The following SEMA3A variants were observed in gnomAD, a reference collection of about 807,000 sequenced individuals.
SEMA3A encodes the protein semaphorin 3A, also known as semaphorin-3A.
A neutral mutation model predicts 97.9 loss-of-function variants in SEMA3A; 29 were observed. That is an observed-to-expected ratio of 0.30 (90% CI 0.22 to 0.40). SEMA3A has a LOEUF of 0.40. SEMA3A is among the 10% of genes least tolerant of loss of function. The pLI, the probability that SEMA3A is intolerant of heterozygous loss-of-function variation, is 1.00. For missense variants in SEMA3A, 763 were observed against 951.3 expected (o/e 0.80, Z 2.60); for synonymous variants, 321 against 323.7 (o/e 0.99, Z 0.09).
At chr7:84,066,596 C>G (rs1304774265) in intron 4 of SEMA3A, among the ~76,000 whole-genome samples, 1 of 149,376 alleles carries the variant, frequency 6.7e-6, no homozygotes, top group African/African-American at 2.5e-5. Flanking sequence ...AATCAATGTA[C>G]AAAAATCACA....
intron 12 of SEMA3A, among the ~76,000 whole-genome samples, chr7:83,986,690 G>A (rs1789645833): frequency 6.6e-6 from 1 of 152,130 alleles, no homozygotes; most frequent in African/African-American, 2.4e-5. Flanking sequence ...ACCTCACTGT[G>A]TAGGTGACCG....
intron 4 of SEMA3A, among the ~76,000 whole-genome samples, chr7:84,086,265 T>A (rs1249435893): frequency 6.6e-6 from 1 of 151,788 alleles, no homozygotes; most frequent in East Asian, 1.9e-4. Flanking sequence ...CTGGGTCCTG[T>A]GCTCGTTCCT....
At chr7:84,245,283 C>A (rs565471932) in intron 3 of SEMA3A, among the ~76,000 whole-genome samples, 2 of 151,712 alleles carry the variant, frequency 1.3e-5, no homozygotes, top group African/African-American at 4.8e-5. Flanking sequence ...AGGCTTTGTT[C>A]GTTCCTTTTC....
At chr7:84,164,129 G>C (rs1584065203) in intron 1 of SEMA3A, among the ~76,000 whole-genome samples, 1 of 151,988 alleles carries the variant, frequency 6.6e-6, no homozygotes, top group Admixed American at 6.6e-5. Context: ...ACAGACGTGG[G>C]CCACCACACC....
chr7:84,165,606 G>A (rs1246639993), intron 1 of SEMA3A, among the ~76,000 whole-genome samples: 1 of 152,070 alleles, frequency 6.6e-6, no homozygotes, highest in East Asian at 1.9e-4. Context: ...AGGCTGCAGT[G>A]CAGTGTCGCG....
chr7:84,145,883 T>C (rs1333774052), intron 1 of SEMA3A, among the ~76,000 whole-genome samples: 6 of 152,178 alleles, frequency 3.9e-5, no homozygotes, highest in African/African-American at 1.4e-4. Flanking sequence ...CACCTTTACC[T>C]TAGTACTGTC....
At chr7:84,248,687 A>G (rs1799530636) in intron 3 of SEMA3A, among the ~76,000 whole-genome samples, 2 of 152,096 alleles carry the variant, frequency 1.3e-5, no homozygotes, top group Non-Finnish European at 2.9e-5. Flanking sequence ...GGTTTTCTCT[A>G]AGCATATCTC....
Position 84,079,963 on chromosome 7 carries a change from A to C in SEMA3A, c.454-19405T>G, listed in dbSNP as rs1271730672. ...GACTTGGAACCAACCCAAATGTCCA[A>C]CAATGATAGACTGGATTAAGAAAAT... On this transcript the variant is annotated intron_variant, in intron 4 of 16. Coordinates refer to ENST00000265362, the MANE Select transcript of SEMA3A (RefSeq NM_006080.3). 5.5e-5 allele frequency among the ~76,000 whole-genome samples: 8 copies of C among 146,334 alleles called. No homozygotes were observed. In the South Asian group the frequency reaches 1.8e-3, roughly 33 times the overall value.
intron 1 of SEMA3A, among the ~76,000 whole-genome samples, chr7:84,148,181 C>T (rs968051226): frequency 4.6e-5 from 7 of 152,136 alleles, no homozygotes; most frequent in African/African-American, 1.7e-4. Context: ...TCCCAAAGTG[C>T]TGGGATTACA....
At chr7:84,333,391 A>T (rs1454924241) in intron 2 of SEMA3A, among the ~76,000 whole-genome samples, 1 of 151,976 alleles carries the variant, frequency 6.6e-6, no homozygotes, top group Non-Finnish European at 1.5e-5. Context: ...TACAACACTG[A>T]CTCTAGAGTC....
Position 84,007,415 on chromosome 7 carries a change from C to A in SEMA3A, c.1078G>T (p.Asp360Tyr), listed in dbSNP as rs745422716. ...RVFLGPYAHR[D>Y]GPNYQWVPYQ... ...GGCACCCATTGATAGTTGGGTCCATCCCTGTGGGCATATGGACCAAGGAAC... is the reference window on the plus strand; with the variant it reads ...GGCACCCATTGATAGTTGGGTCCATACCTGTGGGCATATGGACCAAGGAAC... Residue 360 changes from aspartate to tyrosine, a missense_variant, in exon 10 of 17, where the codon GAT becomes TAT. Transcript: ENST00000265362. 3 of 1,609,344 alleles carry A rather than the reference C, an allele frequency of 1.9e-6. No individual in the cohort carries two copies. The highest frequency in any genetic ancestry group is 1.7e-5 in the Admixed American group (1 of 59,340).
At chr7:84,262,300 C>T (rs1409382706) in intron 3 of SEMA3A, among the ~76,000 whole-genome samples, 1 of 152,068 alleles carries the variant, frequency 6.6e-6, no homozygotes, top group Non-Finnish European at 1.5e-5. Context: ...TTGTAACCTC[C>T]ACCTCCCAGG....
intron 1 of SEMA3A, among the ~76,000 whole-genome samples, chr7:84,396,913 A>G (rs1358467700): frequency 3.3e-5 from 5 of 152,030 alleles, no homozygotes; most frequent in Non-Finnish European, 7.4e-5. Flanking sequence ...TAGATAATAA[A>G]CAATTGGCAT....
intron 15 of SEMA3A, among the ~76,000 whole-genome samples, chr7:83,972,792 A>G (rs1788971995): frequency 6.6e-6 from 1 of 152,136 alleles, no homozygotes; most frequent in Non-Finnish European, 1.5e-5. Flanking sequence ...GAATAATGAT[A>G]CGCAAGCTAT....
At chr7:84,034,779 G>GT (rs1554398022) in intron 6 of SEMA3A, among the ~76,000 whole-genome samples, 1 of 102,306 alleles carries the variant, frequency 9.8e-6, no homozygotes, top group African/African-American at 3.5e-5. Context: ...CCTATTTCCT[G>GT]TTTTTTTGTC....
intron 3 of SEMA3A, among the ~76,000 whole-genome samples, chr7:84,114,941 G>A (rs992029587): frequency 2.0e-5 from 3 of 152,056 alleles, no homozygotes; most frequent in African/African-American, 7.2e-5. Flanking sequence ...GCCTTCTAAT[G>A]TTGAATTTGT....
intron 1 of SEMA3A, among the ~76,000 whole-genome samples, chr7:84,459,895 C>T (rs910030072): frequency 2.6e-5 from 4 of 151,920 alleles, no homozygotes; most frequent in Non-Finnish European, 1.5e-5. Context: ...GACATGGTGG[C>T]GCATGCCTGT....
intron 1 of SEMA3A, among the ~76,000 whole-genome samples, chr7:84,423,288 A>G (rs1044281356): frequency 6.6e-6 from 1 of 152,078 alleles, no homozygotes; most frequent in African/African-American, 2.4e-5. Flanking sequence ...GTAAGTTTCA[A>G]GTGGTCTCTC....
intron 1 of SEMA3A, among the ~76,000 whole-genome samples, chr7:84,193,654 T>C (rs1342462927): frequency 6.6e-6 from 1 of 152,076 alleles, no homozygotes; most frequent in Non-Finnish European, 1.5e-5. Flanking sequence ...AAGACCTATC[T>C]AAGCAAATGT....
Sources: allele counts gnomAD v4.1 joint callset (sites outside exome capture counted in the v4.1 genomes callset), GRCh38; gene constraint gnomAD v4.1.1; transcripts MANE v1.5; gene names NCBI Gene and HGNC (gene_info 2026-07-23, HGNC 2026-07-21).